MACROD2: variants seen among roughly 807,000 people sequenced by gnomAD.
The protein encoded by MACROD2 is mono-ADP ribosylhydrolase 2.
A neutral mutation model predicts 70.4 loss-of-function variants in MACROD2; 36 were observed. That is an observed-to-expected ratio of 0.51 (90% CI 0.39 to 0.68). The LOEUF is 0.68. Ranked by LOEUF, MACROD2 falls within the 30% of genes least tolerant of loss-of-function variation. The pLI is 0.00. For missense variants in MACROD2, 496 were observed against 538.4 expected, an observed-to-expected ratio of 0.92 and a Z score of 0.78; for synonymous variants, 172 against 178.8, an observed-to-expected ratio of 0.96 and a Z score of 0.30.
chr20:16,035,031 AAT>A (rs1453590349), intron 15 of MACROD2, among the ~76,000 whole-genome samples: 1 of 125,208 alleles, frequency 8.0e-6, no homozygotes, highest in Non-Finnish European at 1.8e-5. Flanking sequence ...TCATATAACT[AAT>A]ATATAAAATA....
At chr20:14,671,680 C>T (rs777333154) in intron 4 of MACROD2, among the ~76,000 whole-genome samples, 5 of 152,128 alleles carry the variant, frequency 3.3e-5, no homozygotes, top group African/African-American at 4.8e-5. Flanking sequence ...CCTAGGATCA[C>T]GGCCCAAATC....
At position 15,073,946 on chromosome 20, in the gene MACROD2, G is replaced by A. The variant is rs531742975; in HGVS notation, c.419-155994G>A. The stretch of plus-strand genomic sequence containing the variant: ...GAATTTGATATAGAAAATATTACCA[G>A]AAAAATTATAACAAATGGCATGTTT... On this transcript the variant is annotated intron_variant, in intron 5 of 17. Coordinates refer to ENST00000684519, the MANE Select transcript of MACROD2 (RefSeq NM_001351661.2). Among the ~76,000 whole-genome samples, 105 of 152,170 alleles carry A rather than the reference G, an allele frequency of 6.9e-4. 1 individual carries two copies. Among genetic ancestry groups the A allele is most frequent in the African/African-American group, 2.3e-3 (97 of 41,502 alleles).
At chr20:14,373,428 A>AT (rs151001668) in intron 3 of MACROD2, among the ~76,000 whole-genome samples, 12 of 151,224 alleles carry the variant, frequency 7.9e-5, no homozygotes, top group South Asian at 2.1e-4. Context: ...TGTCTCTAGT[A>AT]TTTTTTTTTA....
intron 2 of MACROD2, among the ~76,000 whole-genome samples, chr20:14,045,477 A>T (rs1159285376): frequency 6.6e-6 from 1 of 152,258 alleles, no homozygotes; most frequent in Non-Finnish European, 1.5e-5. Context: ...ATAGTTTAGG[A>T]AACTGCAGAC....
chr20:15,154,760 C>A (rs1345828297), intron 5 of MACROD2, among the ~76,000 whole-genome samples: 1 of 152,212 alleles, frequency 6.6e-6, no homozygotes, highest in Non-Finnish European at 1.5e-5. Flanking sequence ...AAAGGCTCCA[C>A]CTCCTAATAT....
chr20:15,169,219 T>C (rs2076406591), intron 5 of MACROD2, among the ~76,000 whole-genome samples: 1 of 152,148 alleles, frequency 6.6e-6, no homozygotes, highest in Non-Finnish European at 1.5e-5. Flanking sequence ...CAAAAGTAGC[T>C]TGTGTTTGTA....
At chr20:14,223,714 G>T (rs1389808636) in intron 3 of MACROD2, among the ~76,000 whole-genome samples, 3 of 151,902 alleles carry the variant, frequency 2.0e-5, no homozygotes, top group African/African-American at 7.3e-5. Flanking sequence ...TACTATGTTG[G>T]CCAGGCTGGT....
chr20:15,704,855 T>C (rs181020854), intron 8 of MACROD2, among the ~76,000 whole-genome samples: 2 of 152,326 alleles, frequency 1.3e-5, no homozygotes, highest in Non-Finnish European at 1.5e-5. Flanking sequence ...TCTTTATTGC[T>C]CTTTGGTACT....
chr20:14,734,236 C>T (rs1219672377), intron 5 of MACROD2, among the ~76,000 whole-genome samples: 2 of 151,990 alleles, frequency 1.3e-5, no homozygotes, highest in Non-Finnish European at 2.9e-5. Context: ...TGGTGGCTCA[C>T]ACCTGTAATC....
At chr20:14,581,640 G>T (rs889401173) in intron 4 of MACROD2, among the ~76,000 whole-genome samples, 1 of 152,146 alleles carries the variant, frequency 6.6e-6, no homozygotes, top group Non-Finnish European at 1.5e-5. Flanking sequence ...TTTGATTTCT[G>T]TGGACACTTT....
chr20:14,978,972 A>T (rs1945269430), intron 5 of MACROD2, among the ~76,000 whole-genome samples: 1 of 146,436 alleles, frequency 6.8e-6, no homozygotes, highest in Non-Finnish European at 1.5e-5. Flanking sequence ...TATTTAAGAG[A>T]CAGGGCCTTT....
chr20:15,361,263 T>C (rs1049235200), intron 6 of MACROD2, among the ~76,000 whole-genome samples: 1 of 152,218 alleles, frequency 6.6e-6, no homozygotes, highest in Admixed American at 6.5e-5. Flanking sequence ...TTGAGATGAT[T>C]TATTTATTTA....
chr20:15,744,921 C>T (rs569361960), intron 8 of MACROD2, among the ~76,000 whole-genome samples: 1 of 149,002 alleles, frequency 6.7e-6, no homozygotes, highest in East Asian at 2.0e-4. Context: ...TGAGTTGTAT[C>T]TCTTTTTGAA....
intron 8 of MACROD2, among the ~76,000 whole-genome samples, chr20:15,607,598 A>G (rs1245949696): frequency 6.6e-6 from 1 of 152,240 alleles, no homozygotes; most frequent in Non-Finnish European, 1.5e-5. Context: ...CAATGGCACT[A>G]TCTTGGCTCA....
At chr20:15,394,479 A>G (rs6074887) in intron 6 of MACROD2, among the ~76,000 whole-genome samples, 67,694 of 152,064 alleles carry the variant, frequency 0.45, 15,623 homozygotes, top group African/African-American at 0.52. Flanking sequence ...AAAGGGCACA[A>G]TGTTTTACAT....
chr20:14,169,714 C>T (rs766427829), intron 3 of MACROD2, among the ~76,000 whole-genome samples: 2 of 152,098 alleles, frequency 1.3e-5, no homozygotes, highest in African/African-American at 2.4e-5. Context: ...GCCTCCCATC[C>T]TTTATAATAT....
intron 5 of MACROD2, among the ~76,000 whole-genome samples, chr20:14,994,099 T>C (rs893612388): frequency 6.6e-6 from 1 of 152,118 alleles, no homozygotes; most frequent in Non-Finnish European, 1.5e-5. Context: ...TGCCTTTACA[T>C]ACACAGACAT....
chr20:14,228,532 G>A (rs560760934), intron 3 of MACROD2, among the ~76,000 whole-genome samples: 1 of 151,896 alleles, frequency 6.6e-6, no homozygotes. Flanking sequence ...AGTCTTAACT[G>A]TAATAGCAAA....
chr20:14,960,293 A>G (rs2074572280), intron 5 of MACROD2, among the ~76,000 whole-genome samples: 1 of 151,886 alleles, frequency 6.6e-6, no homozygotes, highest in Non-Finnish European at 1.5e-5. Context: ...CGGAGCTACC[A>G]CTCCCTGGAT....
Sources: allele counts gnomAD v4.1 joint callset (sites outside exome capture counted in the v4.1 genomes callset), GRCh38; gene constraint gnomAD v4.1.1; transcripts MANE v1.5; gene names NCBI Gene and HGNC (gene_info 2026-07-23, HGNC 2026-07-21).